PM20D2: variants seen among roughly 807,000 people sequenced by gnomAD.
PM20D2 encodes xaa-Arg dipeptidase.
Under a neutral mutation model 42.9 loss-of-function variants are expected in PM20D2, and 33 were observed. That is an observed-to-expected ratio of 0.77 (90% confidence interval 0.58 to 1.03). The LOEUF (loss-of-function observed/expected upper bound fraction) is 1.03. PM20D2 is among the 50% of genes least tolerant of loss of function. PM20D2 has a pLI of 0.00. For synonymous variants in PM20D2, 250 were observed against 228.2 expected, an observed-to-expected ratio of 1.10 and a Z score of -0.86; for missense variants, 548 against 557.0, an observed-to-expected ratio of 0.98 and a Z score of 0.16.
chr6:89,105,868 T>A, the PM20D2 span: 1 of 157,022 alleles, frequency 6.4e-6, no homozygotes, highest in Non-Finnish European at 1.4e-5. Flanking sequence ...CATTATAAAA[T>A]TACAAACTGT....
the PM20D2 span, among the ~76,000 whole-genome samples, chr6:89,140,811 A>G: frequency 6.6e-6 from 1 of 152,198 alleles, no homozygotes; most frequent in African/African-American, 2.4e-5. Flanking sequence ...GTCATCAGGT[A>G]CCAGGACATT....
chr6:89,158,213 G>C, intron 4 of PM20D2, 112 bp from the exon 5 acceptor site: 2 of 927,820 alleles, frequency 2.2e-6, no homozygotes, highest in Non-Finnish European at 1.6e-6. Context: ...ATCTGGAAGG[G>C]AAAGTATCTT....
chr6:89,100,767 A>T, the PM20D2 span, among the ~76,000 whole-genome samples: 1 of 152,242 alleles, frequency 6.6e-6, no homozygotes, highest in African/African-American at 2.4e-5. Context: ...ATCTGAAATT[A>T]AAAAGTCATT....
chr6:89,137,362 A>C, the PM20D2 span, among the ~76,000 whole-genome samples: 1 of 152,204 alleles, frequency 6.6e-6, no homozygotes, highest in African/African-American at 2.4e-5. Flanking sequence ...ATCTCTAAAA[A>C]GAAAGAAAGA....
At chr6:89,118,330 G>A in the PM20D2 span, among the ~76,000 whole-genome samples, 1 of 152,190 alleles carries the variant, frequency 6.6e-6, no homozygotes, top group African/African-American at 2.4e-5. Context: ...CTGGGCGGAG[G>A]TGGGGTCAGT....
chr6:89,095,123 G>A, the PM20D2 span, among the ~76,000 whole-genome samples: 5 of 152,092 alleles, frequency 3.3e-5, no homozygotes, highest in South Asian at 2.1e-4. Flanking sequence ...CCCTGCACCA[G>A]ACAGTACTGC....
the PM20D2 span, among the ~76,000 whole-genome samples, chr6:89,121,696 A>G: frequency 6.6e-6 from 1 of 152,222 alleles, no homozygotes; most frequent in Non-Finnish European, 1.5e-5. Flanking sequence ...ATTCCCAAGG[A>G]GTATACCACT....
At chr6:89,151,344 C>T (rs952773979) in intron 2 of PM20D2, among the ~76,000 whole-genome samples, 25 of 151,904 alleles carry the variant, frequency 1.6e-4, no homozygotes, top group Admixed American at 1.0e-3. Context: ...ATTCTCCTGC[C>T]TCAGCCTCCC....
chr6:89,114,605 A>C, the PM20D2 span, among the ~76,000 whole-genome samples: 1 of 106,346 alleles, frequency 9.4e-6, no homozygotes, highest in Non-Finnish European at 1.7e-5. Context: ...GGCAAAGCTA[A>C]AAAAAAAAAA....
the PM20D2 span, among the ~76,000 whole-genome samples, chr6:89,121,041 C>A: frequency 6.6e-6 from 1 of 151,676 alleles, no homozygotes; most frequent in African/African-American, 2.4e-5. Flanking sequence ...AGAAAAAAAC[C>A]ACAAAGCTCT....
At chr6:89,162,036 A>G in intron 6 of PM20D2, 73 bp from the exon 7 acceptor site, 1 of 1,549,988 alleles carries the variant, frequency 6.5e-7, no homozygotes, top group Non-Finnish European at 8.8e-7. Context: ...CAGTTGAGAT[A>G]CGGGTAGCTA....
chr6:89,146,261 G>A lies in PM20D2; in HGVS notation c.117G>A (p.Gly39=). 3 of 1,580,324 alleles carry A rather than the reference G, an allele frequency of 1.9e-6. No individual in the cohort carries two copies. The highest frequency in any genetic ancestry group is 2.6e-6 in the Non-Finnish European group (3 of 1,171,100). The change falls in exon 1 of 7, where the codon GGG becomes GGA. Residue 39 remains glycine (G), a synonymous_variant. Transcript: ENST00000275072. ...TCGACGAGGCGGCCGAGCGGCTGGGGGCCCTGAGCCGCGCGATCTGGAGCC... is the reference window on the plus strand; with the variant it reads ...TCGACGAGGCGGCCGAGCGGCTGGGAGCCCTGAGCCGCGCGATCTGGAGCC... ...ECIDEAAERL[G]ALSRAIWSQP...
At chr6:89,123,493 G>A in the PM20D2 span, among the ~76,000 whole-genome samples, 1 of 151,828 alleles carries the variant, frequency 6.6e-6, no homozygotes. Context: ...GGCTGAGACA[G>A]GAGGATTGCA....
At position 89,164,938 on chromosome 6, in the gene PM20D2, A is replaced by AAAAAG. The variant is rs1554188015; in HGVS notation, c.*2687_*2691dup. The AAAAAG allele has an allele frequency of 0.18, 25,076 of 141,578 alleles. 2,560 individuals carry two copies. Among genetic ancestry groups the AAAAAG allele is most frequent in the East Asian group, 0.56 (2,549 of 4,528 alleles). The allele number at this position is 141,578 out of a possible 1,614,324, so 8.8% of individuals were successfully genotyped here. ...CTGTGCCTGTAAAAAAAAAAAAAAAAAAAAGAAAAGAAAAGACACTGTTGC... is the reference window on the plus strand; with the variant it reads ...CTGTGCCTGTAAAAAAAAAAAAAAAAAAAAGAAAAGAAAAGAAAAGACACTGTTGC... On this transcript the variant is annotated 3_prime_UTR_variant, in exon 7 of 7. Coordinates refer to ENST00000275072, the MANE Select transcript of PM20D2 (RefSeq NM_001010853.3).
chr6:89,109,167 G>C, the PM20D2 span, among the ~76,000 whole-genome samples: 2 of 152,088 alleles, frequency 1.3e-5, no homozygotes, highest in East Asian at 3.9e-4. Context: ...ATCTGTGAAG[G>C]GATGTTACAG....
the PM20D2 span, among the ~76,000 whole-genome samples, chr6:89,099,283 CA>C: frequency 4.6e-5 from 7 of 151,634 alleles, no homozygotes; most frequent in Non-Finnish European, 8.8e-5. Context: ...CAATTATTTA[CA>C]GTTCAAATAA....
At chr6:89,096,496 T>C in the PM20D2 span, 1 of 152,212 alleles carries the variant, frequency 6.6e-6, no homozygotes, top group African/African-American at 2.4e-5. Context: ...TTCCAGCTTT[T>C]TCATCAAACC....
intron 3 of PM20D2, among the ~76,000 whole-genome samples, 170 bp downstream of exon 3, chr6:89,153,355 TTGTC>T (rs1562254128): frequency 6.6e-6 from 1 of 152,212 alleles, no homozygotes; most frequent in Admixed American, 6.5e-5. Flanking sequence ...ACTAAGATGT[TTGTC>T]TATATAGGGT....
chr6:89,101,606 G>C, the PM20D2 span, among the ~76,000 whole-genome samples: 1 of 151,892 alleles, frequency 6.6e-6, no homozygotes, highest in East Asian at 1.9e-4. Flanking sequence ...GCTGAGGCAG[G>C]AGAATCGCTT....
Sources: allele counts gnomAD v4.1 joint callset (sites outside exome capture counted in the v4.1 genomes callset), GRCh38; gene constraint gnomAD v4.1.1; transcripts MANE v1.5; gene names NCBI Gene and HGNC (gene_info 2026-07-23, HGNC 2026-07-21).